The following RAP1GAP variants were observed in gnomAD, a reference collection of about 807,000 sequenced individuals.
RAP1GAP encodes the protein RAP1 GTPase activating protein, also known as rap1 GTPase-activating protein 1.
A neutral mutation model predicts 87.2 loss-of-function variants in RAP1GAP; 35 were observed. The ratio of observed to expected loss-of-function variants is 0.40; its 90% confidence interval spans 0.31 to 0.53. The LOEUF is 0.53. Among genes scored for constraint, RAP1GAP ranks in the 20% least tolerant of loss-of-function variants. The pLI, the probability that RAP1GAP is intolerant of heterozygous loss-of-function variation, is 0.48. For missense variants in RAP1GAP, 734 were observed against 898.9 expected (o/e 0.82, Z 2.35); for synonymous variants, 375 against 363.9 (o/e 1.03, Z -0.35).
chr1:21,614,517 G>A (rs952808289), intron 7 of RAP1GAP, among the ~76,000 whole-genome samples: 3 of 152,190 alleles, frequency 2.0e-5, no homozygotes, highest in Non-Finnish European at 4.4e-5. Flanking sequence ...GGTGCTCAAT[G>A]AGCAAAAGCT....
chr1:21,603,929 G>A lies in RAP1GAP; in HGVS notation c.1429-1016C>T. On this transcript the variant is annotated intron_variant, in intron 18 of 24. Transcript: ENST00000374765. This position sits in a 1 kb window ranked among gnomAD's most constrained non-coding sequence, Gnocchi z 6.0. ...AAGCAATGACTGGCAAGCAGCAGAG[G>A]GCGGGGGCAGAGAGAGAGAGACAGA... 2 of 1,510,384 alleles carry A rather than the reference G, an allele frequency of 1.3e-6. No homozygotes were observed. Among genetic ancestry groups the A allele is most frequent in the South Asian group, 2.5e-5 (2 of 78,650 alleles). 93.6% of individuals were successfully genotyped at this position (1,510,384 alleles called of 1,614,324 possible). A position where few individuals can be genotyped will look rare whatever the true frequency, so the allele number is the denominator to read the frequency against.
At chr1:21,599,767 C>T (rs1204186267) in intron 20 of RAP1GAP, 150 bp from the exon 21 acceptor site, 2 of 1,061,864 alleles carry the variant, frequency 1.9e-6, no homozygotes, top group Middle Eastern at 3.1e-4. Context: ...GGCCTCTGAG[C>T]CCCCCAGACT....
intron 7 of RAP1GAP, 35 bp downstream of exon 7, chr1:21,617,271 C>T (rs1328866576): frequency 1.3e-6 from 2 of 1,549,880 alleles, no homozygotes; most frequent in South Asian, 1.2e-5. Context: ...TGTGACCCAC[C>T]CCAGCCAGCC....
Position 21,665,803 on chromosome 1 carries a change from T to A in RAP1GAP, c.-149+3451A>T, listed in dbSNP as rs1416063013. 1.3e-5 allele frequency among the ~76,000 whole-genome samples: 2 copies of A among 152,198 alleles called. 1 individual carries two copies. Among genetic ancestry groups the A allele is most frequent in the Admixed American group, 1.3e-4 (2 of 15,284 alleles). On this transcript the variant is annotated intron_variant, in intron 1 of 24. Coordinates refer to ENST00000374765, the MANE Select transcript of RAP1GAP (RefSeq NM_002885.4). ...TGGCCGCCCCAAGAAGCCCTGAGAC[T>A]GGCGACCCCTGCTTGGCCCTAGTGT...
intron 1 of RAP1GAP, chr1:21,665,173 A>C (rs755831164): frequency 2.1e-6 from 1 of 470,236 alleles, no homozygotes; most frequent in East Asian, 5.9e-5. Context: ...CCCACTTCCT[A>C]GATCAAGAAA....
chr1:21,658,724 A>G lies in RAP1GAP; in HGVS notation c.-148-8928T>C, dbSNP rs145897650. Among the ~76,000 whole-genome samples, 758 of 152,108 alleles carry G rather than the reference A, an allele frequency of 5.0e-3. 5 individuals are homozygous for G. The highest frequency in any genetic ancestry group is 0.017 in the African/African-American group (705 of 41,488). On this transcript the variant is annotated intron_variant, in intron 1 of 24. Coordinates refer to ENST00000374765, the MANE Select transcript of RAP1GAP (RefSeq NM_002885.4). The stretch of plus-strand genomic sequence containing the variant: ...AGCAAGACTCCATCTCTATTACGAT[A>G]ATTTTAATTTTTTTAAATCTAAGGG...
At chr1:21,616,121 T>A (rs2081888657) in intron 7 of RAP1GAP, among the ~76,000 whole-genome samples, 1 of 132,540 alleles carries the variant, frequency 7.5e-6, no homozygotes, top group South Asian at 2.4e-4. Context: ...CCCCAAGGAG[T>A]CACCCCCTCT....
intron 2 of RAP1GAP, among the ~76,000 whole-genome samples, chr1:21,630,016 C>T (rs957828990): frequency 3.9e-5 from 6 of 152,192 alleles, no homozygotes; most frequent in African/African-American, 9.7e-5. Context: ...CAGCAACGGC[C>T]GACACAGCTG....
chr1:21,599,509 T>C lies in RAP1GAP; in HGVS notation c.1761A>G (p.Gly587=), dbSNP rs760104225. ...SVVEETEGVD[G]EDTGLESVSS... is the part of the protein sequence containing the mutation. ...AGCCTCTCACCAGGCCTGTGTCCTC[T>C]CCGTCCACACCCTCCGTCTCCTCCA... Residue 587 remains glycine, a synonymous_variant, in exon 21 of 25, where the codon GGA becomes GGG. Transcript: ENST00000374765. 2.5e-6 allele frequency: 4 copies of C among 1,609,244 alleles called. No individual in the cohort carries two copies. Among genetic ancestry groups the C allele is most frequent in the South Asian group, 1.1e-5 (1 of 91,084 alleles).
chr1:21,666,606 G>T (rs959885662), intron 1 of RAP1GAP, among the ~76,000 whole-genome samples: 30 of 152,170 alleles, frequency 2.0e-4, no homozygotes, highest in African/African-American at 6.5e-4. Context: ...AATCAGAAAA[G>T]AGGGAGGAAG....
intron 20 of RAP1GAP, 38 bp downstream of exon 20, chr1:21,601,646 T>TCCAAAGCC: frequency 6.6e-7 from 1 of 1,504,758 alleles, no homozygotes; most frequent in Non-Finnish European, 9.1e-7. Context: ...GGTTCACCAC[T>TCCAAAGCC]CCCAAGCCCC....
intron 1 of RAP1GAP, chr1:21,651,664 A>G (rs762339102): frequency 1.9e-6 from 2 of 1,063,582 alleles, no homozygotes; most frequent in Admixed American, 3.7e-5. Flanking sequence ...CCCCCACAGC[A>G]GTCATAGCCC....
intron 1 of RAP1GAP, among the ~76,000 whole-genome samples, chr1:21,650,175 G>A (rs2096448838): frequency 6.6e-6 from 1 of 152,026 alleles, no homozygotes; most frequent in African/African-American, 2.4e-5. Context: ...AGGCAGGATG[G>A]AAGTTTGCTG....
At chr1:21,631,637 G>A (rs868475365) in intron 2 of RAP1GAP, among the ~76,000 whole-genome samples, 8 of 152,178 alleles carry the variant, frequency 5.3e-5, no homozygotes, top group African/African-American at 1.9e-4. Flanking sequence ...AGTGAGCCGA[G>A]ATTGCGCCAT....
chr1:21,636,103 A>G (rs983838421), intron 2 of RAP1GAP, among the ~76,000 whole-genome samples: 1 of 152,346 alleles, frequency 6.6e-6, no homozygotes, highest in African/African-American at 2.4e-5. Context: ...TAAATTAGGT[A>G]TTATATGGAC....
chr1:21,629,003 G>A (rs1439404552), intron 2 of RAP1GAP, among the ~76,000 whole-genome samples: 3 of 152,168 alleles, frequency 2.0e-5, no homozygotes, highest in East Asian at 1.9e-4. Context: ...CTGGGACTGC[G>A]TCAAGCATAT....
chr1:21,630,990 A>C (rs1571006213), intron 2 of RAP1GAP, among the ~76,000 whole-genome samples: 2 of 146,508 alleles, frequency 1.4e-5, no homozygotes, highest in African/African-American at 2.5e-5. Flanking sequence ...CTTTCCCAGC[A>C]CCCCTCCAAT....
At chr1:21,657,290 C>T (rs190682614) in intron 1 of RAP1GAP, among the ~76,000 whole-genome samples, 3 of 152,364 alleles carry the variant, frequency 2.0e-5, no homozygotes, top group African/African-American at 7.2e-5. Flanking sequence ...GCACATGCAC[C>T]TACTGACTCC....
intron 20 of RAP1GAP, 73 bp from the exon 21 acceptor site, chr1:21,599,690 C>T (rs554426573): frequency 1.3e-6 from 2 of 1,540,672 alleles, no homozygotes; most frequent in East Asian, 2.3e-5. Flanking sequence ...ACTCCCTTGC[C>T]CTCCCCAACC....
Sources: gnomAD v4.1 joint callset for allele counts (sites outside exome capture counted in the v4.1 genomes callset) on GRCh38, gnomAD v4.1.1 for gene constraint, Gnocchi (gnomAD v3.1) non-coding constraint, MANE v1.5 for transcripts, NCBI Gene and HGNC (gene_info 2026-07-23, HGNC 2026-07-21) for gene names.